ZNF474: variants seen among roughly 807,000 people sequenced by gnomAD.
ZNF474 encodes 4933409D10Rik.
For missense variants in ZNF474, 511 were observed against 433.8 expected (o/e 1.18, Z -1.58); for synonymous variants, 192 against 162.2 (o/e 1.18, Z -1.39).
intron 1 of ZNF474, chr5:122,147,909 G>A (rs563385700): frequency 2.0e-5 from 3 of 152,288 alleles, no homozygotes; most frequent in African/African-American, 7.2e-5. Flanking sequence ...GATAAAAGGT[G>A]ATGCCTTCCA....
chr5:122,132,720 C>T (rs949358154), intron 1 of ZNF474, among the ~76,000 whole-genome samples: 2 of 152,096 alleles, frequency 1.3e-5, no homozygotes, highest in African/African-American at 4.8e-5. Context: ...AGTTGTTCCA[C>T]TCTCATTTGT....
chr5:122,149,572 C>A (rs865909304), intron 1 of ZNF474, among the ~76,000 whole-genome samples: 3 of 152,162 alleles, frequency 2.0e-5, no homozygotes, highest in Middle Eastern at 3.2e-3. Flanking sequence ...ATGGAAAGAG[C>A]CACGTATTGG....
chr5:122,146,268 T>C (rs1267288889), intron 1 of ZNF474, among the ~76,000 whole-genome samples: 1 of 152,158 alleles, frequency 6.6e-6, no homozygotes. Context: ...GTTGGGAGTA[T>C]ACAGACAATA....
chr5:122,147,925 T>C (rs1756033189), intron 1 of ZNF474: 1 of 152,188 alleles, frequency 6.6e-6, no homozygotes, highest in South Asian at 2.1e-4. Context: ...TTCCAGGACA[T>C]TCTGTAAATG....
At chr5:122,131,718 G>A (rs1477528116) in intron 1 of ZNF474, among the ~76,000 whole-genome samples, 1 of 152,068 alleles carries the variant, frequency 6.6e-6, no homozygotes, top group Non-Finnish European at 1.5e-5. Context: ...GGAATAATAT[G>A]TCACAGTGGT....
At chr5:122,133,346 G>C (rs1440110331) in intron 1 of ZNF474, among the ~76,000 whole-genome samples, 1 of 152,074 alleles carries the variant, frequency 6.6e-6, no homozygotes, top group Non-Finnish European at 1.5e-5. Flanking sequence ...CAATTACAGA[G>C]AAAAATCTAT....
intron 1 of ZNF474, among the ~76,000 whole-genome samples, chr5:122,139,855 T>A (rs1407018877): frequency 2.6e-5 from 4 of 152,230 alleles, no homozygotes; most frequent in Admixed American, 2.6e-4. Flanking sequence ...AAAAAGCTTT[T>A]AAGGCAGCTT....
At position 122,152,452 on chromosome 5, in the gene ZNF474, C is replaced by T. The variant is rs143953702; in HGVS notation, c.462C>T (p.Asn154=). ...GGTCCTACAGTCTTCAGGCAACTAACGAGGCTGCATTTCAGAGTGCCCAGG... is the reference window on the plus strand; with the variant it reads ...GGTCCTACAGTCTTCAGGCAACTAATGAGGCTGCATTTCAGAGTGCCCAGG... The part of the protein sequence containing the change: ...SSGSYSLQAT[N]EAAFQSAQAQ... The change falls in exon 2 of 2, where the codon AAC becomes AAT. Residue 154 remains asparagine, a synonymous_variant. Coordinates refer to ENST00000296600, the MANE Select transcript of ZNF474 (RefSeq NM_207317.3). 6.2e-6 allele frequency: 10 copies of T among 1,614,190 alleles called. No individual in the cohort carries two copies. In the East Asian group the frequency reaches 8.9e-5, roughly 14 times the overall value.
chr5:122,147,226 C>A (rs2152606175), intron 1 of ZNF474, among the ~76,000 whole-genome samples: 1 of 152,190 alleles, frequency 6.6e-6, no homozygotes, highest in South Asian at 2.1e-4. Flanking sequence ...GAAGATGAAC[C>A]TCCTCTATTT....
intron 1 of ZNF474, among the ~76,000 whole-genome samples, chr5:122,142,282 C>T (rs970791578): frequency 1.3e-5 from 2 of 152,210 alleles, no homozygotes; most frequent in South Asian, 4.1e-4. Context: ...AGATAGGACA[C>T]ATCAGCATCC....
chr5:122,152,247 T>G lies in ZNF474; in HGVS notation c.257T>G (p.Val86Gly), dbSNP rs925148011. Residue 86 changes from valine (V) to glycine (G), a missense_variant, in exon 2 of 2, where the codon GTG (valine) becomes GGG (glycine). Transcript: ENST00000296600. ...TCGGAAAGCCAGCTTAGCCCCCCTG[T>G]GATCCCGGCCCGCAGGCCTGGATTC... ...IISESQLSPP[V>G]IPARRPGFRV... 4.1e-5 allele frequency: 66 copies of G among 1,614,224 alleles called. No individual in the cohort carries two copies. Among genetic ancestry groups the G allele is most frequent in the Non-Finnish European group, 5.5e-5 (65 of 1,180,028 alleles).
intron 1 of ZNF474, among the ~76,000 whole-genome samples, chr5:122,136,220 T>C (rs1755696051): frequency 6.6e-6 from 1 of 152,210 alleles, no homozygotes; most frequent in Non-Finnish European, 1.5e-5. Context: ...GATTATTACA[T>C]GTTGTATGCT....
chr5:122,150,015 T>C (rs903212932), intron 1 of ZNF474, among the ~76,000 whole-genome samples: 5 of 152,022 alleles, frequency 3.3e-5, no homozygotes, highest in African/African-American at 1.2e-4. Context: ...TTTGATTGCA[T>C]TGATTTTTCT....
rs1756187167 is a variant in ZNF474, at chr5:122,151,899, C to A, written c.-92C>A. 3.4e-6 allele frequency: 5 copies of A among 1,483,802 alleles called. No homozygotes were observed. Among genetic ancestry groups the A allele is most frequent in the Non-Finnish European group, 4.5e-6 (5 of 1,116,578 alleles). 91.9% of individuals were successfully genotyped at this position (1,483,802 alleles called of 1,614,324 possible). A position where few individuals can be genotyped will look rare whatever the true frequency, so the allele number is the denominator to read the frequency against. On this transcript the variant is annotated 5_prime_UTR_variant, in exon 2 of 2. Transcript: ENST00000296600. ...ACTGGCAACGGTGTGAACCCCAGGA[C>A]AACTAACCTCACTAACCTTCACTCT...
chr5:122,146,340 G>A (rs1755988239), intron 1 of ZNF474, among the ~76,000 whole-genome samples: 1 of 151,820 alleles, frequency 6.6e-6, no homozygotes, highest in Admixed American at 6.6e-5. Flanking sequence ...GGAAAAAATA[G>A]GCTATTTTTA....
intron 1 of ZNF474, among the ~76,000 whole-genome samples, chr5:122,143,817 C>G (rs1755913661): frequency 6.6e-6 from 1 of 152,098 alleles, no homozygotes; most frequent in Non-Finnish European, 1.5e-5. Context: ...CAATCCTCAT[C>G]TGGGGAGTCA....
rs372279400 is a variant in ZNF474, at chr5:122,139,393, A to G, written c.-213+9710A>G. ...CTTCATTATCATTCCCTAAAAATGT[A>G]ATGATCTTTCATGTAACCAAATTTA... On this transcript the variant is annotated intron_variant, in intron 1 of 1. Transcript: ENST00000296600. 4.5e-4 allele frequency among the ~76,000 whole-genome samples: 69 copies of G among 152,320 alleles called. 2 individuals carry two copies. In the South Asian group the frequency reaches 9.7e-3, roughly 21 times the overall value.
chr5:122,129,747 G>A (rs1755534793), intron 1 of ZNF474, 64 bp downstream of exon 1: 1 of 152,170 alleles, frequency 6.6e-6, no homozygotes, highest in Non-Finnish European at 1.5e-5. Context: ...TTGTCTGGTA[G>A]GTCTTAAACC....
At position 122,151,976 on chromosome 5, in the gene ZNF474, A is replaced by G; in HGVS notation, c.-15A>G. On this transcript the variant is annotated 5_prime_UTR_variant, in exon 2 of 2. Transcript: ENST00000296600. ...CTGAAATCAGAGCAAGCACTACAGA[A>G]AGACATCTTTGTTAATGGAAAGAGG... The G allele has an allele frequency of 1.2e-6, 2 of 1,602,134 alleles. No homozygotes were observed. The highest frequency in any genetic ancestry group is 1.7e-6 in the Non-Finnish European group (2 of 1,176,896).
Sources: allele counts gnomAD v4.1 joint callset (sites outside exome capture counted in the v4.1 genomes callset), GRCh38; gene constraint gnomAD v4.1.1; transcripts MANE v1.5; gene names NCBI Gene and HGNC (gene_info 2026-07-23, HGNC 2026-07-21).